GCSAM: variants seen among roughly 807,000 people sequenced by gnomAD.
The protein encoded by GCSAM is germinal center associated signaling and motility.
Under a neutral mutation model 17.6 loss-of-function variants are expected in GCSAM, and 8 were observed. That is an observed-to-expected ratio of 0.46 (90% CI 0.27 to 0.82). The LOEUF (loss-of-function observed/expected upper bound fraction) is 0.82, where lower values mean the gene tolerates loss of function less well. Among genes scored for constraint, GCSAM ranks in the 40% least tolerant of loss-of-function variants. The pLI, the probability that GCSAM is intolerant of heterozygous loss-of-function variation, is 0.15. For missense variants in GCSAM, 192 were observed against 213.5 expected (o/e 0.90, Z 0.63); for synonymous variants, 68 against 69.0 (o/e 0.98, Z 0.07).
chr3:112,123,695 T>C lies in GCSAM; in HGVS notation c.297A>G (p.Ser99=). ...INHRVLCTRP[S]GNSAEEYYEN... ...CATAGTACTCTTCAGCAGAGTTCCC[T>C]GATGGCCTTGTACAGAGAACCCGAT... is the stretch of plus-strand genomic sequence containing the variant. The change falls in exon 6 of 6, where the codon TCA becomes TCG. Residue 99 remains serine, a synonymous_variant. Transcript: ENST00000308910. 6.2e-7 allele frequency: 1 copy of C among 1,614,184 alleles called. No homozygotes were observed. Among genetic ancestry groups the C allele is most frequent in the South Asian group, 1.1e-5 (1 of 91,086 alleles).
At chr3:112,128,198 AC>A in intron 2 of GCSAM, 137 bp from the exon 3 acceptor site, 1 of 743,256 alleles carries the variant, frequency 1.3e-6, no homozygotes. Context: ...TAACTTGGAC[AC>A]ATCTCTCATG....
At position 112,125,235 on chromosome 3, in the gene GCSAM, A is replaced by G. The variant is rs1245819284; in HGVS notation, c.210T>C (p.Thr70=). 1 of 1,577,354 alleles carries G rather than the reference A, an allele frequency of 6.3e-7. No individual in the cohort carries two copies. Among genetic ancestry groups the G allele is most frequent in the Non-Finnish European group, 8.7e-7 (1 of 1,146,588 alleles). Reference sequence around the variant, plus strand: ...GAGATGTTCTTATTACCTGGATGGGAGTAGATGACATTCTTTCATCTGGAG... The same window carrying G: ...GAGATGTTCTTATTACCTGGATGGGGGTAGATGACATTCTTTCATCTGGAG... ...SQNENERMSS[T]PIQDNVDQTY... is the part of the protein sequence containing the mutation. Residue 70 remains threonine (T), a synonymous_variant, in exon 5 of 6, where the codon ACT becomes ACC. Coordinates refer to ENST00000308910, the MANE Select transcript of GCSAM (RefSeq NM_152785.5).
chr3:112,124,762 G>A (rs555057543), intron 5 of GCSAM, among the ~76,000 whole-genome samples: 16 of 152,286 alleles, frequency 1.1e-4, no homozygotes, highest in East Asian at 3.9e-4. Flanking sequence ...GAGATAAAAA[G>A]CAAAGCAGCA....
chr3:112,125,437 G>C (rs2074294593), intron 4 of GCSAM, among the ~76,000 whole-genome samples, 183 bp from the exon 5 acceptor site: 1 of 152,186 alleles, frequency 6.6e-6, no homozygotes, highest in South Asian at 2.1e-4. Flanking sequence ...GTCACAGCTA[G>C]AGCTGTGCTC....
rs757504784 is a variant in GCSAM at position 112,130,526 on chromosome 3, A to G, written c.30-13T>C. ...GTTCTGCTGCCGCCTGAAACTCAAC[A>G]TATCAGAAACAGGCTAAGTATTTCC... On this transcript the variant is annotated splice_polypyrimidine_tract_variant and intron_variant, in intron 1 of 5. Transcript: ENST00000308910. 9.9e-6 allele frequency: 16 copies of G among 1,612,642 alleles called. 1 individual carries two copies. In the South Asian group the frequency reaches 1.4e-4, roughly 14 times the overall value.
intron 1 of GCSAM, among the ~76,000 whole-genome samples, chr3:112,131,536 A>G (rs13069933): frequency 0.31 from 47,631 of 152,054 alleles, 8,171 homozygotes; most frequent in East Asian, 0.41. Context: ...TATGTTGTTC[A>G]GGCTGCCCTC....
At chr3:112,126,363 A>G (rs1311259379) in intron 4 of GCSAM, among the ~76,000 whole-genome samples, 3 of 152,042 alleles carry the variant, frequency 2.0e-5, no homozygotes, top group African/African-American at 7.2e-5. Flanking sequence ...TCAGGCCTAC[A>G]CTTTCTTATT....
chr3:112,127,184 A>G (rs1369255193), intron 3 of GCSAM, 151 bp from the exon 4 acceptor site: 14 of 543,224 alleles, frequency 2.6e-5, no homozygotes, highest in Middle Eastern at 9.1e-4. Flanking sequence ...GTAAAAAAGA[A>G]AAAAGTAAAA....
intron 2 of GCSAM, chr3:112,129,176 C>T (rs374156250): frequency 2.0e-5 from 3 of 152,172 alleles, no homozygotes; most frequent in African/African-American, 7.2e-5. Flanking sequence ...GCTAAGGAAA[C>T]ATCGTAAGAA....
In GCSAM at chr3:112,133,225, TG is replaced by T; in HGVS notation, c.-106del. 8.3e-7 allele frequency: 1 copy of T among 1,198,580 alleles called. No homozygotes were observed. The highest frequency in any genetic ancestry group is 1.2e-6 in the Non-Finnish European group (1 of 807,334). 74.2% of individuals were successfully genotyped at this position (1,198,580 alleles called of 1,614,324 possible). A position where few individuals can be genotyped will look rare whatever the true frequency, so the allele number is the denominator to read the frequency against. On this transcript the variant is annotated 5_prime_UTR_variant, in exon 1 of 6. Coordinates refer to ENST00000308910, the MANE Select transcript of GCSAM (RefSeq NM_152785.5). ...ACTTAAAGAAAGGGCTGTGTGGCTC[TG>T]GCCACCCGTGCAGAGACAGCAGAAA...
Position 112,123,652 on chromosome 3 carries a change from C to A in GCSAM, c.340G>T (p.Ala114Ser). The change falls in exon 6 of 6, where the codon GCT becomes TCT. Residue 114 changes from alanine to serine, a missense_variant. By Grantham distance (99) the Ala-to-Ser change is moderately conservative. Transcript: ENST00000308910. ...CCCAAGGACTCTCTGGGTCTCTCAG[C>A]TTTGCAGGGAACATTCTCATAGTAC... is the stretch of plus-strand genomic sequence containing the variant. ...EEYYENVPCK[A>S]ERPRESLGGT... 1 of 1,614,140 alleles carries A rather than the reference C, an allele frequency of 6.2e-7. No homozygotes were observed. Among genetic ancestry groups the A allele is most frequent in the South Asian group, 1.1e-5 (1 of 91,070 alleles).
At chr3:112,128,855 A>G (rs1247463253) in intron 2 of GCSAM, 1 of 152,436 alleles carries the variant, frequency 6.6e-6, no homozygotes, top group African/African-American at 2.4e-5. Context: ...AACTACCTAC[A>G]TGGTTGAATG....
intron 2 of GCSAM, 164 bp from the exon 3 acceptor site, chr3:112,128,225 C>T (rs1280258724): frequency 5.6e-6 from 4 of 712,210 alleles, no homozygotes; most frequent in East Asian, 2.7e-5. Context: ...ATGCCTTTGT[C>T]TTCCTAGGAT....
intron 3 of GCSAM, among the ~76,000 whole-genome samples, chr3:112,127,424 CAAACAAAT>C (rs1559984846): frequency 6.6e-6 from 1 of 152,028 alleles, no homozygotes; most frequent in Non-Finnish European, 1.5e-5. Context: ...CCAAAACAAA[CAAACAAAT>C]AAACACACTC....
chr3:112,130,934 A>G, intron 1 of GCSAM: 1 of 169,412 alleles, frequency 5.9e-6, no homozygotes, highest in Non-Finnish European at 1.3e-5. Context: ...ACCATCTTTC[A>G]CAGAAAGCAT....
chr3:112,125,098 C>A, intron 5 of GCSAM, 128 bp downstream of exon 5: 1 of 706,640 alleles, frequency 1.4e-6, no homozygotes, highest in East Asian at 2.5e-5. Flanking sequence ...AGTTCACAAG[C>A]ACTGACATCT....
At chr3:112,126,361 A>T (rs547465229) in intron 4 of GCSAM, among the ~76,000 whole-genome samples, 28 of 152,288 alleles carry the variant, frequency 1.8e-4, no homozygotes, top group African/African-American at 5.3e-4. Flanking sequence ...CCTCAGGCCT[A>T]CACTTTCTTA....
In GCSAM at chr3:112,121,739, A is replaced by C. The variant is rs1264533977; in HGVS notation, c.*1716T>G. 3.3e-5 allele frequency: 5 copies of C among 152,242 alleles called. No individual in the cohort carries two copies. Among genetic ancestry groups the C allele is most frequent in the African/African-American group, 1.2e-4 (5 of 41,458 alleles). The allele number at this position is 152,242 out of a possible 1,614,324, so 9.4% of individuals were successfully genotyped here. A position where few individuals can be genotyped will look rare whatever the true frequency, so the allele number is the denominator to read the frequency against. ...CAAGATGCAGCTGGCTCTTTAGCTG[A>C]AGACCATCACCTGGCTGAAGGCTCC... On this transcript the variant is annotated 3_prime_UTR_variant, in exon 6 of 6. Transcript: ENST00000308910.
At chr3:112,132,957 G>C in intron 1 of GCSAM, 135 bp downstream of exon 1, 1 of 856,642 alleles carries the variant, frequency 1.2e-6, no homozygotes. Flanking sequence ...GGCACTGAAG[G>C]CTTGGCAGTT....
Sources: allele counts gnomAD v4.1 joint callset (sites outside exome capture counted in the v4.1 genomes callset), GRCh38; gene constraint gnomAD v4.1.1; transcripts MANE v1.5; gene names NCBI Gene and HGNC (gene_info 2026-07-23, HGNC 2026-07-21).